CHRNB3: variants seen among roughly 807,000 people sequenced by gnomAD.
CHRNB3 encodes cholinergic receptor nicotinic beta 3 subunit.
In CHRNB3, 37 loss-of-function variants were observed where a neutral mutation model predicts 40.6. The observed-to-expected ratio is 0.91, with a 90% CI of 0.70 to 1.20. CHRNB3 has a LOEUF of 1.20. Ranked by LOEUF, CHRNB3 falls within the 50% of genes most tolerant of loss-of-function variation. CHRNB3 has a pLI of 0.00. For synonymous variants in CHRNB3, 207 were observed against 207.1 expected (o/e 1.00, Z 0.00); for missense variants, 505 against 551.2 (o/e 0.92, Z 0.84).
At chr8:42,733,723 G>A (rs960850974) in intron 5 of CHRNB3, among the ~76,000 whole-genome samples, 4 of 149,486 alleles carry the variant, frequency 2.7e-5, no homozygotes, top group Non-Finnish European at 5.9e-5. Flanking sequence ...CTCCCAAGTA[G>A]CTGGGACTAC....
chr8:42,711,812 T>C (rs1408616960), intron 3 of CHRNB3, among the ~76,000 whole-genome samples: 2 of 152,202 alleles, frequency 1.3e-5, no homozygotes, highest in African/African-American at 4.8e-5. Context: ...TCATACCCAA[T>C]AGGTAGTTTT....
chr8:42,712,918 G>C (rs1816042761), intron 3 of CHRNB3, among the ~76,000 whole-genome samples: 1 of 136,246 alleles, frequency 7.3e-6, no homozygotes, highest in South Asian at 2.3e-4. Flanking sequence ...CTAGAGTACA[G>C]TGGCTCAATC....
chr8:42,709,884 G>C (rs1354049291), intron 2 of CHRNB3, among the ~76,000 whole-genome samples: 1 of 152,152 alleles, frequency 6.6e-6, no homozygotes, highest in East Asian at 1.9e-4. Context: ...CACCCGCCTC[G>C]GCCTCCCAAA....
chr8:42,702,194 G>A (rs1246832456), intron 1 of CHRNB3, among the ~76,000 whole-genome samples: 2 of 152,078 alleles, frequency 1.3e-5, no homozygotes, highest in Non-Finnish European at 2.9e-5. Context: ...CTCTGCCTCC[G>A]AACTGAAGCC....
In CHRNB3 at chr8:42,703,435, A is replaced by AAAAAATATATATATATATATATATAT; in HGVS notation, c.53-5281_53-5280insAAAATATATATATATATATATATATA. 3.5e-3 allele frequency among the ~76,000 whole-genome samples: 166 copies of AAAAAATATATATATATATATATATAT among 47,336 alleles called. 14 individuals carry two copies. Among genetic ancestry groups the AAAAAATATATATATATATATATATAT allele is most frequent in the Non-Finnish European group, 5.3e-3 (114 of 21,482 alleles). 31.1% of individuals were successfully genotyped at this position (47,336 alleles called of 152,430 possible). A position where few individuals can be genotyped will look rare whatever the true frequency, so the allele number is the denominator to read the frequency against. ...CAAGACTTCGTCTAAAAAAAAAAAA[A>AAAAAATATATATATATATATATATAT]ATATTTATATATATATATATATATA... is the stretch of plus-strand genomic sequence containing the variant. On this transcript the variant is annotated intron_variant, in intron 1 of 5. Transcript: ENST00000289957.
intron 1 of CHRNB3, among the ~76,000 whole-genome samples, chr8:42,708,420 C>G (rs1390325098): frequency 6.6e-6 from 1 of 151,744 alleles, no homozygotes; most frequent in Non-Finnish European, 1.5e-5. Context: ...GAGCCGAGAT[C>G]GCGCCAATGC....
At chr8:42,721,493 G>A (rs2128907344) in intron 3 of CHRNB3, among the ~76,000 whole-genome samples, 1 of 152,230 alleles carries the variant, frequency 6.6e-6, no homozygotes, top group Middle Eastern at 3.4e-3. Flanking sequence ...GGAGACTGAG[G>A]CAGGTGGATC....
rs181311448 is a variant in CHRNB3, at chr8:42,702,961, G to T, written c.52+5363G>T. ...AAGACCACGCAGGCCACCATCAGCT[G>T]GATGGCCCTGGGCAAGGCTCCTCTC... On this transcript the variant is annotated intron_variant, in intron 1 of 5. Transcript: ENST00000289957. 4.4e-3 allele frequency among the ~76,000 whole-genome samples: 668 copies of T among 152,320 alleles called. 4 individuals are homozygous for T. Among genetic ancestry groups the T allele is most frequent in the Non-Finnish European group, 7.6e-3 (519 of 68,026 alleles).
At chr8:42,702,622 G>A (rs1815829371) in intron 1 of CHRNB3, among the ~76,000 whole-genome samples, 2 of 152,078 alleles carry the variant, frequency 1.3e-5, no homozygotes, top group Admixed American at 1.3e-4. Context: ...AATTAGCTGG[G>A]CATGGTGGCA....
intron 3 of CHRNB3, 71 bp downstream of exon 3, chr8:42,710,505 G>A: frequency 8.2e-7 from 1 of 1,214,700 alleles, no homozygotes; most frequent in Non-Finnish European, 1.2e-6. Flanking sequence ...GCTCCTATCT[G>A]AAAAACAATT....
chr8:42,734,612 G>C lies in CHRNB3; in HGVS notation c.1243-1872G>C, dbSNP rs573476590. Among the ~76,000 whole-genome samples the C allele has an allele frequency of 2.1e-3, 313 of 151,512 alleles. 2 individuals are homozygous for C. Among genetic ancestry groups the C allele is most frequent in the Non-Finnish European group, 3.0e-3 (202 of 67,918 alleles). On this transcript the variant is annotated intron_variant, in intron 5 of 5. Transcript: ENST00000289957. Reference sequence around the variant, plus strand: ...TTTTTTGTGTTTTTAGTAGAGACAGGGTTTCACTGTGTTAACCAGGATGGT... The same window carrying C: ...TTTTTTGTGTTTTTAGTAGAGACAGCGTTTCACTGTGTTAACCAGGATGGT...
chr8:42,703,435 A>AAAAAAAATATATATATATATATAT lies in CHRNB3; in HGVS notation c.53-5281_53-5280insAAAAAATATATATATATATATATA. On this transcript the variant is annotated intron_variant, in intron 1 of 5. Coordinates refer to ENST00000289957, the MANE Select transcript of CHRNB3 (RefSeq NM_000749.5). ...CAAGACTTCGTCTAAAAAAAAAAAA[A>AAAAAAAATATATATATATATATAT]ATATTTATATATATATATATATATA... Among the ~76,000 whole-genome samples the AAAAAAAATATATATATATATATAT allele has an allele frequency of 5.9e-4, 28 of 47,392 alleles. 3 individuals are homozygous for AAAAAAAATATATATATATATATAT. Among genetic ancestry groups the AAAAAAAATATATATATATATATAT allele is most frequent in the East Asian group, 3.4e-3 (3 of 878 alleles). 31.1% of individuals were successfully genotyped at this position (47,392 alleles called of 152,430 possible). A position where few individuals can be genotyped will look rare whatever the true frequency, so the allele number is the denominator to read the frequency against.
chr8:42,708,846 A>G lies in CHRNB3; in HGVS notation c.182A>G (p.Lys61Arg), dbSNP rs1815964353. 6.2e-7 allele frequency: 1 copy of G among 1,613,338 alleles called. No individual in the cohort carries two copies. The highest frequency in any genetic ancestry group is 1.7e-5 in the Admixed American group (1 of 59,912). The change falls in exon 2 of 6, where the codon AAA (lysine) becomes AGA (arginine). Residue 61 changes from lysine (K) to arginine (R), a missense_variant. Lys to Arg is a conservative substitution (Grantham distance 26). Transcript: ENST00000289957. The part of the protein sequence containing the change: ...NDTIKVYFGL[K>R]ISQLVDVDEK... The stretch of plus-strand genomic sequence containing the variant: ...ACCATAAAAGTATATTTTGGATTGA[A>G]AATATCCCAGCTTGTAGATGTGGTG...
Position 42,732,341 on chromosome 8 carries a change from A to G in CHRNB3, c.1034A>G (p.Lys345Arg). 1 of 1,606,906 alleles carries G rather than the reference A, an allele frequency of 6.2e-7. No individual in the cohort carries two copies. The highest frequency in any genetic ancestry group is 8.5e-7 in the Non-Finnish European group (1 of 1,178,308). ...AGGCTCTTTCTGCAGAAACTTCCAA[A>G]ATTACTTTGCATGAAAGATCATGTG... ...VKRLFLQKLP[K>R]LLCMKDHVDR... Residue 345 changes from lysine (K) to arginine (R), a missense_variant, in exon 5 of 6, where the codon AAA becomes AGA. Lys to Arg is a conservative substitution (Grantham distance 26). Transcript: ENST00000289957.
intron 3 of CHRNB3, among the ~76,000 whole-genome samples, chr8:42,712,312 T>C (rs1482294383): frequency 6.6e-6 from 1 of 152,146 alleles, no homozygotes; most frequent in African/African-American, 2.4e-5. Context: ...TGTCCAGATA[T>C]TGCCTAATTT....
chr8:42,716,491 G>C (rs1816108437), intron 3 of CHRNB3, among the ~76,000 whole-genome samples: 1 of 152,094 alleles, frequency 6.6e-6, no homozygotes, highest in Admixed American at 6.5e-5. Flanking sequence ...CGGCAGCAGA[G>C]ATACTGCTCC....
At chr8:42,701,368 C>CA (rs997759781) in intron 1 of CHRNB3, among the ~76,000 whole-genome samples, 7 of 151,520 alleles carry the variant, frequency 4.6e-5, no homozygotes, top group African/African-American at 1.7e-4. Context: ...TAGTGAGAGA[C>CA]ATACGTCTCT....
Position 42,726,013 on chromosome 8 carries a change from T to C in CHRNB3, c.250-4581T>C, listed in dbSNP as rs190302659. The C allele has an allele frequency of 4.2e-5, 47 of 1,107,894 alleles. No individual in the cohort carries two copies. In the African/African-American group the frequency reaches 4.3e-4, roughly 10 times the overall value. The allele number at this position is 1,107,894 out of a possible 1,614,324, so 68.6% of individuals were successfully genotyped here. On this transcript the variant is annotated intron_variant, in intron 3 of 5. Transcript: ENST00000289957. The stretch of plus-strand genomic sequence containing the variant: ...CAATTCCAAGGTGTGGTTTCACTTC[T>C]AGTCGTCTGAGACGTACCTTGTCAC...
At chr8:42,708,471 A>AC (rs1586394713) in intron 1 of CHRNB3, among the ~76,000 whole-genome samples, 2 of 113,162 alleles carry the variant, frequency 1.8e-5, no homozygotes, top group Non-Finnish European at 4.0e-5. Flanking sequence ...GTCTCAAAAA[A>AC]AATACACACA....
Sources: gnomAD v4.1 joint callset for allele counts (sites outside exome capture counted in the v4.1 genomes callset) on GRCh38, gnomAD v4.1.1 for gene constraint, MANE v1.5 for transcripts, NCBI Gene and HGNC (gene_info 2026-07-23, HGNC 2026-07-21) for gene names.